The following RAD52 variants were observed in gnomAD, a reference collection of about 807,000 sequenced individuals.
RAD52 encodes the protein DNA repair protein RAD52 homolog.
RAD52 carries 47 observed loss-of-function variants against 55.5 expected under a neutral mutation model. That is an observed-to-expected ratio of 0.85 (90% CI 0.67 to 1.08). The LOEUF is 1.08. Ranked by LOEUF, RAD52 falls within the 50% of genes least tolerant of loss-of-function variation. The pLI is 0.00. For missense variants in RAD52, 468 were observed against 522.8 expected, an observed-to-expected ratio of 0.90 and a Z score of 1.02; for synonymous variants, 184 against 198.9, an observed-to-expected ratio of 0.92 and a Z score of 0.63.
chr12:974,038 G>C (rs985838917), intron 1 of RAD52: 7 of 152,258 alleles, frequency 4.6e-5, no homozygotes, highest in African/African-American at 1.7e-4. Context: ...AAGCATGAGA[G>C]AGAGGAAATT....
At position 913,991 on chromosome 12, in the gene RAD52, G is replaced by C. The variant is rs1190414288; in HGVS notation, c.1098C>G (p.Thr366=). ...AAACGCTGTGTGGAGTCCTGTTCTG[G>C]GTCACCATCTGGTTGTTCAAGGCTA... ...DTLALNNQMV[T]QNRTPHSVCH... Residue 366 remains threonine (T), a synonymous_variant, in exon 11 of 12, where the codon ACC becomes ACG. Transcript: ENST00000358495. 1 of 1,614,126 alleles carries C rather than the reference G, an allele frequency of 6.2e-7. No homozygotes were observed. Among genetic ancestry groups the C allele is most frequent in the Admixed American group, 1.7e-5 (1 of 60,016 alleles).
upstream of RAD52, among the ~76,000 whole-genome samples, chr12:954,103 A>G (rs1958572833): frequency 6.6e-6 from 1 of 152,152 alleles, no homozygotes; most frequent in South Asian, 2.1e-4. Flanking sequence ...GATTTTAAGC[A>G]CTTCCTGTGC....
intron 7 of RAD52, among the ~76,000 whole-genome samples, chr12:917,770 CA>C (rs71055103): frequency 0.7 from 74,634 of 107,226 alleles, 25,124 homozygotes; most frequent in East Asian, 0.77. Context: ...ACTAAAAATA[CA>C]AAAAAAAAAA....
chr12:912,047 C>A lies in RAD52; in HGVS notation c.*1344G>T. 5.0e-6 allele frequency: 1 copy of A among 200,572 alleles called. No homozygotes were observed. The highest frequency in any genetic ancestry group is 7.7e-5 in the East Asian group (1 of 12,994). 12.4% of individuals were successfully genotyped at this position (200,572 alleles called of 1,614,324 possible). A position where few individuals can be genotyped will look rare whatever the true frequency, so the allele number is the denominator to read the frequency against. Reference sequence around the variant, plus strand: ...TCTCAAAAAAAAAGTTGTTAAACTGCAAACTTCATTATTTTGGGGGAAGAA... The same window carrying A: ...TCTCAAAAAAAAAGTTGTTAAACTGAAAACTTCATTATTTTGGGGGAAGAA... On this transcript the variant is annotated 3_prime_UTR_variant, in exon 12 of 12. Coordinates refer to ENST00000358495, the MANE Select transcript of RAD52 (RefSeq NM_134424.4).
chr12:984,614 A>T (rs963835298), intron 1 of RAD52, among the ~76,000 whole-genome samples: 1 of 152,074 alleles, frequency 6.6e-6, no homozygotes, highest in Non-Finnish European at 1.5e-5. Flanking sequence ...GTTCATCCAC[A>T]GTGTAGCATA....
intron 1 of RAD52, among the ~76,000 whole-genome samples, chr12:983,028 T>C (rs1258099042): frequency 6.6e-6 from 1 of 152,052 alleles, no homozygotes; most frequent in African/African-American, 2.4e-5. Context: ...TTTTGTATTT[T>C]TAGTGAAGAC....
chr12:946,001 C>T (rs1219767062), intron 1 of RAD52, among the ~76,000 whole-genome samples: 2 of 151,678 alleles, frequency 1.3e-5, no homozygotes, highest in African/African-American at 4.8e-5. Flanking sequence ...CCAGCCTGGG[C>T]GACAAGAGTG....
chr12:963,268 G>C (rs1038779688), intron 1 of RAD52, among the ~76,000 whole-genome samples: 2 of 152,194 alleles, frequency 1.3e-5, no homozygotes, highest in African/African-American at 4.8e-5. Flanking sequence ...AGAGTAAACA[G>C]TGTTAATACC....
chr12:943,085 A>G (rs1401066812), intron 1 of RAD52, among the ~76,000 whole-genome samples: 2 of 152,212 alleles, frequency 1.3e-5, no homozygotes, highest in Admixed American at 6.5e-5. Flanking sequence ...AAAAAGTGCT[A>G]AACACCATTA....
chr12:983,755 T>C (rs1316798140), intron 1 of RAD52, among the ~76,000 whole-genome samples: 3 of 152,110 alleles, frequency 2.0e-5, no homozygotes, highest in African/African-American at 7.2e-5. Context: ...GGACCTTTTC[T>C]CTGATGTTTG....
chr12:950,124 G>A (rs1350154570), upstream of RAD52, among the ~76,000 whole-genome samples: 1 of 152,232 alleles, frequency 6.6e-6, no homozygotes. Context: ...GACCTTCCCA[G>A]ATTCCGCCCG....
At chr12:946,376 T>G (rs1355827991) in intron 1 of RAD52, among the ~76,000 whole-genome samples, 1 of 152,198 alleles carries the variant, frequency 6.6e-6, no homozygotes, top group African/African-American at 2.4e-5. Flanking sequence ...AAAGCCATCA[T>G]GAACACTGAA....
intron 5 of RAD52, 78 bp from the exon 6 acceptor site, chr12:927,341 G>T: frequency 9.1e-7 from 1 of 1,101,704 alleles, no homozygotes; most frequent in Non-Finnish European, 1.4e-6. Context: ...TCAAGCAGCA[G>T]GGTTCAAAGC....
At chr12:926,650 C>T (rs546466952) in intron 6 of RAD52, 4 of 856,294 alleles carry the variant, frequency 4.7e-6, no homozygotes, top group African/African-American at 1.7e-5. Flanking sequence ...ATGCTGGCAC[C>T]AGGCTTCCAG....
rs1463013873 is a variant in RAD52, at chr12:912,673, T to C, written c.*718A>G. 6.3e-6 allele frequency: 1 copy of C among 159,732 alleles called. No homozygotes were observed. The highest frequency in any genetic ancestry group is 7.6e-5 in the Admixed American group (1 of 13,076). The allele number at this position is 159,732 out of a possible 1,614,324, so 9.9% of individuals were successfully genotyped here. A position where few individuals can be genotyped will look rare whatever the true frequency, so the allele number is the denominator to read the frequency against. ...GCCCAAGAGGTTGTGGAGAGAGCTGTGTTTGCACCACTGAACTCCAGTCAG... is the reference window on the plus strand; with the variant it reads ...GCCCAAGAGGTTGTGGAGAGAGCTGCGTTTGCACCACTGAACTCCAGTCAG... On this transcript the variant is annotated 3_prime_UTR_variant, in exon 12 of 12. Transcript: ENST00000358495.
Position 929,831 on chromosome 12 carries a change from C to G in RAD52, c.336G>C (p.Arg112Ser). ...TCCATCCCCTCACCTTCAGCTGGAC[C>G]CTCACAAATGCACAGACTCCCACGT... ...KFYVGVCAFV[R>S]VQLKDGSYHE... The change falls in exon 5 of 12, where the codon AGG (arginine) becomes AGC (serine). Residue 112 changes from arginine (R) to serine (S), a missense_variant. Coordinates refer to ENST00000358495, the MANE Select transcript of RAD52 (RefSeq NM_134424.4). 2 of 1,613,896 alleles carry G rather than the reference C, an allele frequency of 1.2e-6. No homozygotes were observed. Among genetic ancestry groups the G allele is most frequent in the Non-Finnish European group, 1.7e-6 (2 of 1,179,814 alleles).
intron 1 of RAD52, among the ~76,000 whole-genome samples, chr12:973,804 T>TTTTTTTTTTTTTA (rs1958901989): frequency 1.4e-5 from 2 of 146,894 alleles, no homozygotes; most frequent in African/African-American, 5.1e-5. Flanking sequence ...TTTTTTTTTT[T>TTTTTTTTTTTTTA]AAGAAATGTG....
intron 1 of RAD52, among the ~76,000 whole-genome samples, chr12:958,771 G>A (rs750563548): frequency 2.6e-5 from 4 of 152,280 alleles, no homozygotes; most frequent in East Asian, 3.9e-4. Context: ...TGCGTGTGGC[G>A]ATTCAGAGGC....
In RAD52 at chr12:929,082, T is replaced by C. The variant is rs188244785; in HGVS notation, c.348+737A>G. Among the ~76,000 whole-genome samples, 34 of 152,184 alleles carry C rather than the reference T, an allele frequency of 2.2e-4. No individual in the cohort carries two copies. The East Asian group carries it at 6.0e-3, about 27-fold the overall frequency. On this transcript the variant is annotated intron_variant, in intron 5 of 11. Coordinates refer to ENST00000358495, the MANE Select transcript of RAD52 (RefSeq NM_134424.4). ...GCTTTCGCTATGTTGCCCAGGCTGG[T>C]CTCAAATCCCTGGGCTCAAGCAGTC... is the stretch of plus-strand genomic sequence containing the variant.
Sources: gnomAD v4.1 joint callset for allele counts (sites outside exome capture counted in the v4.1 genomes callset) on GRCh38, gnomAD v4.1.1 for gene constraint, MANE v1.5 for transcripts, NCBI Gene and HGNC (gene_info 2026-07-23, HGNC 2026-07-21) for gene names.